Variants in LRRC37A2 observed in about 807,000 individuals in gnomAD.
LRRC37A2 encodes leucine-rich repeat-containing protein 37A2.
Under a neutral mutation model 68.8 loss-of-function variants are expected in LRRC37A2, and 9 were observed. The ratio of observed to expected loss-of-function variants is 0.13; its 90% confidence interval spans 0.08 to 0.23. LRRC37A2 has a LOEUF of 0.23. LRRC37A2 is among the 10% of genes least tolerant of loss of function. LRRC37A2 has a pLI of 1.00. For missense variants in LRRC37A2, 168 were observed against 950.4 expected, an observed-to-expected ratio of 0.18 and a Z score of 10.82; for synonymous variants, 63 against 367.6, an observed-to-expected ratio of 0.17 and a Z score of 9.48.
At chr17:47,024,414 T>C in the LRRC37A2 span, among the ~76,000 whole-genome samples, 1 of 152,060 alleles carries the variant, frequency 6.6e-6, no homozygotes, top group African/African-American at 2.4e-5. Context: ...GATTTTGTGA[T>C]CTAGACAGGA....
At chr17:47,013,361 C>T in the LRRC37A2 span, among the ~76,000 whole-genome samples, 1 of 152,234 alleles carries the variant, frequency 6.6e-6, no homozygotes. Context: ...TGAATTATAT[C>T]TCAATAAAGC....
chr17:46,769,621 CG>C, the LRRC37A2 span, among the ~76,000 whole-genome samples: 30 of 152,086 alleles, frequency 2.0e-4, no homozygotes, highest in African/African-American at 7.2e-4. Context: ...GGTGGACAGA[CG>C]AAGTGGCTGT....
At chr17:46,575,192 T>C in the LRRC37A2 span, among the ~76,000 whole-genome samples, 1 of 109,098 alleles carries the variant, frequency 9.2e-6, no homozygotes. Flanking sequence ...ACCTGTGGGG[T>C]GTATCCTCAG....
chr17:46,892,612 G>T, the LRRC37A2 span, among the ~76,000 whole-genome samples: 2 of 152,350 alleles, frequency 1.3e-5, no homozygotes, highest in East Asian at 3.9e-4. Context: ...ACACTGGACT[G>T]TGAGCTTCTA....
chr17:46,851,230 A>T, the LRRC37A2 span, among the ~76,000 whole-genome samples: 5 of 151,894 alleles, frequency 3.3e-5, no homozygotes, highest in East Asian at 9.7e-4. The surrounding 1 kb of genome is among the most constrained non-coding windows in gnomAD (Gnocchi z 4.3). Context: ...CGGAGAAGCC[A>T]TTGCGCTTGC....
At chr17:46,770,328 C>T in the LRRC37A2 span, among the ~76,000 whole-genome samples, 1 of 152,202 alleles carries the variant, frequency 6.6e-6, no homozygotes, top group African/African-American at 2.4e-5. Flanking sequence ...TAGAAACAGG[C>T]GCCGACACCA....
chr17:46,773,304 C>T, the LRRC37A2 span, among the ~76,000 whole-genome samples: 5 of 152,098 alleles, frequency 3.3e-5, no homozygotes, highest in Non-Finnish European at 5.9e-5. Context: ...TGGGAGGGAC[C>T]TAGGGGTGGC....
chr17:46,746,971 A>G, the LRRC37A2 span, among the ~76,000 whole-genome samples: 1 of 152,250 alleles, frequency 6.6e-6, no homozygotes, highest in African/African-American at 2.4e-5. Flanking sequence ...TGTTGACTCC[A>G]GTATGCTGGC....
chr17:46,855,280 C>G, the LRRC37A2 span, among the ~76,000 whole-genome samples: 1 of 152,246 alleles, frequency 6.6e-6, no homozygotes, highest in African/African-American at 2.4e-5. Flanking sequence ...TTTAGACTCT[C>G]TTGGCTGTAG....
At chr17:46,871,974 A>G in the LRRC37A2 span, among the ~76,000 whole-genome samples, 3 of 152,172 alleles carry the variant, frequency 2.0e-5, no homozygotes, top group Admixed American at 6.5e-5. Flanking sequence ...GCAGCAGCAT[A>G]ATGTAAGGGA....
At chr17:46,935,190 CAG>C in the LRRC37A2 span, 2 of 1,613,184 alleles carry the variant, frequency 1.2e-6, no homozygotes, top group South Asian at 2.2e-5. Flanking sequence ...TGCTGGGGGA[CAG>C]AGAGAAGGCC....
chr17:46,900,960 C>T, the LRRC37A2 span, among the ~76,000 whole-genome samples: 211 of 151,930 alleles, frequency 1.4e-3, 2 homozygotes, highest in East Asian at 0.011. Context: ...AATAAATAAA[C>T]GAAAAGCAAT....
chr17:46,862,886 T>C, the LRRC37A2 span, among the ~76,000 whole-genome samples: 2 of 152,178 alleles, frequency 1.3e-5, no homozygotes, highest in African/African-American at 4.8e-5. Flanking sequence ...GTACCAGGCC[T>C]AAGCTGAGTT....
the LRRC37A2 span, among the ~76,000 whole-genome samples, chr17:47,002,315 A>G: frequency 6.6e-6 from 1 of 152,306 alleles, no homozygotes; most frequent in African/African-American, 2.4e-5. Flanking sequence ...AAAGTGGGGT[A>G]TCCAGCCCCT....
the LRRC37A2 span, among the ~76,000 whole-genome samples, chr17:47,030,105 T>A: frequency 1.8e-5 from 2 of 113,638 alleles, no homozygotes; most frequent in African/African-American, 6.9e-5. Context: ...ATCATCATCA[T>A]CATCATCATC....
chr17:46,857,920 T>TTTGTTG, the LRRC37A2 span, among the ~76,000 whole-genome samples: 41 of 151,420 alleles, frequency 2.7e-4, no homozygotes, highest in African/African-American at 7.3e-4. Flanking sequence ...CTTTATGTAT[T>TTTGTTG]TTGTTGTTGT....
At chr17:47,040,624 T>C in the LRRC37A2 span, among the ~76,000 whole-genome samples, 1 of 95,130 alleles carries the variant, frequency 1.1e-5, no homozygotes, top group Non-Finnish European at 2.2e-5. Flanking sequence ...AATGAAGATT[T>C]ACTTAAATTC....
At chr17:46,988,815 C>T in the LRRC37A2 span, among the ~76,000 whole-genome samples, 1 of 152,186 alleles carries the variant, frequency 6.6e-6, no homozygotes, top group Admixed American at 6.5e-5. Flanking sequence ...TCACTGAACA[C>T]GTACTGAGCA....
chr17:47,046,305 A>G, the LRRC37A2 span, among the ~76,000 whole-genome samples: 1 of 116,444 alleles, frequency 8.6e-6, no homozygotes, highest in Non-Finnish European at 1.8e-5. Flanking sequence ...TAATTTTGCC[A>G]CTGTATTTCA....
Sources: gnomAD v4.1 joint callset for allele counts (sites outside exome capture counted in the v4.1 genomes callset) on GRCh38, gnomAD v4.1.1 for gene constraint, Gnocchi (gnomAD v3.1) non-coding constraint, MANE v1.5 for transcripts, NCBI Gene and HGNC (gene_info 2026-07-23, HGNC 2026-07-21) for gene names.